Variants in ARHGAP24 observed in about 807,000 individuals in gnomAD.
ARHGAP24 encodes the protein rho GTPase-activating protein 24.
A neutral mutation model predicts 76.4 loss-of-function variants in ARHGAP24; 50 were observed. The observed-to-expected ratio is 0.65, with a 90% CI of 0.52 to 0.83. The LOEUF is 0.83. ARHGAP24 is among the 40% of genes least tolerant of loss of function. The pLI, the probability that ARHGAP24 is intolerant of heterozygous loss-of-function variation, is 0.00. For synonymous variants in ARHGAP24, 345 were observed against 323.3 expected, an observed-to-expected ratio of 1.07 and a Z score of -0.72; for missense variants, 930 against 914.2, an observed-to-expected ratio of 1.02 and a Z score of -0.22.
chr4:85,908,581 A>G (rs1004523556), intron 3 of ARHGAP24, among the ~76,000 whole-genome samples: 7 of 152,350 alleles, frequency 4.6e-5, no homozygotes, highest in Non-Finnish European at 8.8e-5. Context: ...ACTGAAAAAG[A>G]TGACACACTC....
At chr4:85,574,074 T>C (rs1373357639) in intron 2 of ARHGAP24, among the ~76,000 whole-genome samples, 1 of 152,234 alleles carries the variant, frequency 6.6e-6, no homozygotes, top group East Asian at 1.9e-4. Flanking sequence ...AAATATTCAA[T>C]AATCTTAACT....
intron 3 of ARHGAP24, among the ~76,000 whole-genome samples, chr4:85,798,945 C>T (rs1002287036): frequency 6.6e-6 from 1 of 151,530 alleles, no homozygotes; most frequent in Admixed American, 6.6e-5. Context: ...GCTTTAAAAG[C>T]AAAGAAAACA....
intron 3 of ARHGAP24, among the ~76,000 whole-genome samples, chr4:85,728,427 T>G (rs1229708287): frequency 6.6e-6 from 1 of 152,194 alleles, no homozygotes; most frequent in Non-Finnish European, 1.5e-5. Flanking sequence ...AATCTGTCTA[T>G]GTTCCTATGC....
chr4:85,739,126 C>G (rs546321876), intron 3 of ARHGAP24, among the ~76,000 whole-genome samples: 1 of 152,198 alleles, frequency 6.6e-6, no homozygotes, highest in Non-Finnish European at 1.5e-5. Context: ...TGGCCTTGCC[C>G]CTTTCCTAGC....
intron 1 of ARHGAP24, among the ~76,000 whole-genome samples, chr4:85,520,808 A>G (rs79017736): frequency 0.053 from 8,105 of 152,266 alleles, 255 homozygotes; most frequent in African/African-American, 0.075. Flanking sequence ...TATGTGAAAA[A>G]GAGGATTTTC....
At chr4:85,741,496 C>CATTTTT (rs70948748) in intron 3 of ARHGAP24, among the ~76,000 whole-genome samples, 2 of 151,964 alleles carry the variant, frequency 1.3e-5, no homozygotes, top group Non-Finnish European at 1.5e-5. Context: ...ATGACTTCTG[C>CATTTTT]ATTTTTATTT....
At chr4:85,784,260 G>A (rs1727700373) in intron 3 of ARHGAP24, among the ~76,000 whole-genome samples, 1 of 151,234 alleles carries the variant, frequency 6.6e-6, no homozygotes, top group Non-Finnish European at 1.5e-5. Context: ...AGATCTTGTA[G>A]AGATCTAGTG....
Position 85,902,694 on chromosome 4 carries a change from C to A in ARHGAP24, c.269-20954C>A, listed in dbSNP as rs1401740744. ...TTTTGGCTCACTGCAACCTCCGCCTCCCAGGTTCAAGCGATTGTCCTGCCT... is the reference window on the plus strand; with the variant it reads ...TTTTGGCTCACTGCAACCTCCGCCTACCAGGTTCAAGCGATTGTCCTGCCT... On this transcript the variant is annotated intron_variant, in intron 3 of 9. Transcript: ENST00000395184. Among the ~76,000 whole-genome samples, 3 of 152,212 alleles carry A rather than the reference C, an allele frequency of 2.0e-5. No individual in the cohort carries two copies. The East Asian group carries it at 5.8e-4, about 29-fold the overall frequency.
chr4:85,874,869 T>A (rs59349330), intron 3 of ARHGAP24, among the ~76,000 whole-genome samples: 36 of 115,058 alleles, frequency 3.1e-4, no homozygotes, highest in African/African-American at 1.2e-3. Context: ...AAATATATTT[T>A]TATATAATTT....
chr4:85,599,782 C>A (rs973025337), intron 2 of ARHGAP24, among the ~76,000 whole-genome samples: 1 of 152,062 alleles, frequency 6.6e-6, no homozygotes, highest in African/African-American at 2.4e-5. Flanking sequence ...TTAATAAATT[C>A]TATAATTGCA....
At chr4:85,946,516 G>C (rs925494806) in intron 5 of ARHGAP24, among the ~76,000 whole-genome samples, 2 of 152,048 alleles carry the variant, frequency 1.3e-5, no homozygotes, top group South Asian at 4.1e-4. Context: ...AGTATCTGTT[G>C]TTCCCATTTT....
At chr4:85,682,685 T>G (rs1431546506) in intron 2 of ARHGAP24, among the ~76,000 whole-genome samples, 1 of 152,218 alleles carries the variant, frequency 6.6e-6, no homozygotes, top group African/African-American at 2.4e-5. Flanking sequence ...TGCCACTTTA[T>G]GCGGTTCTTT....
chr4:85,619,208 T>G (rs559155153), intron 2 of ARHGAP24, among the ~76,000 whole-genome samples: 2 of 152,220 alleles, frequency 1.3e-5, no homozygotes, highest in South Asian at 4.1e-4. Context: ...CAAAAAACAT[T>G]TATTTAAGAG....
At chr4:85,522,426 A>G (rs1430737364) in intron 1 of ARHGAP24, among the ~76,000 whole-genome samples, 1 of 152,172 alleles carries the variant, frequency 6.6e-6, no homozygotes, top group Non-Finnish European at 1.5e-5. Flanking sequence ...CTCTCCACAC[A>G]TTGTACAATG....
At chr4:85,670,879 A>C (rs1467683689) in intron 2 of ARHGAP24, among the ~76,000 whole-genome samples, 2 of 152,148 alleles carry the variant, frequency 1.3e-5, no homozygotes, top group African/African-American at 4.8e-5. Flanking sequence ...TCAAACAGGG[A>C]CATGGGCCAT....
chr4:85,877,490 T>C (rs2601845), intron 3 of ARHGAP24, among the ~76,000 whole-genome samples: 150,793 of 151,894 alleles, frequency 0.99, 74,861 homozygotes, highest in Middle Eastern at 1. Context: ...CTGGGTGCAG[T>C]GACACACACT....
chr4:85,497,880 T>A (rs1723642130), intron 1 of ARHGAP24, among the ~76,000 whole-genome samples: 1 of 152,172 alleles, frequency 6.6e-6, no homozygotes, highest in African/African-American at 2.4e-5. Flanking sequence ...CCCTAACTTT[T>A]TAGTTTTACT....
chr4:85,895,001 CAAAA>C (rs1222078793), intron 3 of ARHGAP24, among the ~76,000 whole-genome samples: 1 of 54,336 alleles, frequency 1.8e-5, no homozygotes, highest in African/African-American at 8.3e-5. Flanking sequence ...AAACAAAAAG[CAAAA>C]AAAAAAAAAA....
At chr4:85,712,616 C>T (rs543873746) in intron 2 of ARHGAP24, among the ~76,000 whole-genome samples, 2 of 152,242 alleles carry the variant, frequency 1.3e-5, no homozygotes, top group Admixed American at 6.5e-5. Flanking sequence ...TGACTGTCAG[C>T]AACCCTTGGC....
Sources: allele counts gnomAD v4.1 joint callset (sites outside exome capture counted in the v4.1 genomes callset), GRCh38; gene constraint gnomAD v4.1.1; transcripts MANE v1.5; gene names NCBI Gene and HGNC (gene_info 2026-07-23, HGNC 2026-07-21).